The following FMN1 variants were observed in gnomAD, a reference collection of about 807,000 sequenced individuals.
FMN1 encodes the protein formin-1.
Under a neutral mutation model 132.4 loss-of-function variants are expected in FMN1, and 110 were observed. The observed-to-expected ratio is 0.83, with a 90% confidence interval of 0.71 to 0.97. The LOEUF (loss-of-function observed/expected upper bound fraction) is 0.97, where lower values mean the gene tolerates loss of function less well. FMN1 is among the 50% of genes least tolerant of loss of function. The pLI, the probability that FMN1 is intolerant of heterozygous loss-of-function variation, is 0.00. For missense variants in FMN1, 1,792 were observed against 1,705.3 expected (o/e 1.05, Z -0.90); for synonymous variants, 722 against 651.7 (o/e 1.11, Z -1.64).
At chr15:32,802,809 A>T (rs1192789506) in intron 18 of FMN1, among the ~76,000 whole-genome samples, 2 of 152,218 alleles carry the variant, frequency 1.3e-5, no homozygotes, top group East Asian at 3.8e-4. Flanking sequence ...TATAACACAG[A>T]CGTGCTAGTT....
chr15:32,891,147 TTATAG>T (rs1035725910), intron 15 of FMN1, among the ~76,000 whole-genome samples: 12 of 152,258 alleles, frequency 7.9e-5, no homozygotes, highest in Admixed American at 3.3e-4. Flanking sequence ...GACTATGGCC[TTATAG>T]TATAGTTTGA....
At chr15:32,835,521 G>T (rs1308466677) in intron 17 of FMN1, among the ~76,000 whole-genome samples, 3 of 152,140 alleles carry the variant, frequency 2.0e-5, no homozygotes, top group African/African-American at 7.2e-5. Flanking sequence ...TTTGGTGTGT[G>T]TTCTAAGTTG....
intron 6 of FMN1, among the ~76,000 whole-genome samples, chr15:33,024,897 G>A (rs1428393095): frequency 6.6e-6 from 1 of 152,126 alleles, no homozygotes; most frequent in Non-Finnish European, 1.5e-5. Context: ...TAACATGAAT[G>A]AAATAGAGCT....
intron 7 of FMN1, among the ~76,000 whole-genome samples, chr15:32,989,532 T>A (rs34058116): frequency 0.043 from 6,567 of 152,120 alleles, 208 homozygotes; most frequent in East Asian, 0.13. Flanking sequence ...CCCTTTGTAG[T>A]CAAGTGCAGT....
At chr15:33,174,509 G>C (rs1189168233) in intron 3 of FMN1, among the ~76,000 whole-genome samples, 1 of 152,178 alleles carries the variant, frequency 6.6e-6, no homozygotes, top group African/African-American at 2.4e-5. Context: ...AAGAATGTTT[G>C]CTCTCTTAAG....
chr15:32,924,911 T>C (rs987557321), intron 10 of FMN1, among the ~76,000 whole-genome samples: 4 of 152,232 alleles, frequency 2.6e-5, no homozygotes, highest in Non-Finnish European at 5.9e-5. Flanking sequence ...CAAAACTCCG[T>C]CTCAAAACAA....
At chr15:33,013,004 C>T (rs144047869) in intron 6 of FMN1, 988 of 424,748 alleles carry the variant, frequency 2.3e-3, no homozygotes, top group Non-Finnish European at 2.7e-3. Context: ...CAGTACTTTG[C>T]CAAACCACAA....
At chr15:33,016,371 G>T (rs2035046273) in intron 6 of FMN1, among the ~76,000 whole-genome samples, 1 of 152,152 alleles carries the variant, frequency 6.6e-6, no homozygotes, top group East Asian at 1.9e-4. Flanking sequence ...TCAAATGTGA[G>T]CTTTCATATT....
At chr15:33,005,355 GA>G (rs2034360282) in intron 7 of FMN1, among the ~76,000 whole-genome samples, 1 of 152,086 alleles carries the variant, frequency 6.6e-6, no homozygotes, top group Non-Finnish European at 1.5e-5. Flanking sequence ...AAGAGCAGAT[GA>G]TTTTTTTACA....
chr15:33,013,723 G>C (rs975952902), intron 6 of FMN1, among the ~76,000 whole-genome samples: 3 of 152,174 alleles, frequency 2.0e-5, no homozygotes, highest in Non-Finnish European at 4.4e-5. Context: ...TTTAAATCTT[G>C]TGTAAATGTT....
At chr15:32,844,705 C>T (rs1360974034) in intron 17 of FMN1, among the ~76,000 whole-genome samples, 1 of 152,294 alleles carries the variant, frequency 6.6e-6, no homozygotes, top group African/African-American at 2.4e-5. Flanking sequence ...AAAATTATGG[C>T]CGTCCTCTGT....
chr15:33,153,707 G>A lies in FMN1; in HGVS notation c.1208C>T (p.Thr403Ile), dbSNP rs1371718037. 1 of 1,536,376 alleles carries A rather than the reference G, an allele frequency of 6.5e-7. No homozygotes were observed. The highest frequency in any genetic ancestry group is 1.4e-5 in the African/African-American group (1 of 73,186). ...DRSSQSPAGE[T>I]ASISSVSASA... is the part of the protein sequence containing the mutation. ...GGCCGACACACTAGAAATGGAGGCT[G>A]TTTCCCCGGCTGGCGACTGCGATGA... The change falls in exon 4 of 21, where the codon ACA (threonine) becomes ATA (isoleucine). Residue 403 changes from threonine (T) to isoleucine (I), a missense_variant. Thr to Ile is a moderately conservative substitution (Grantham distance 89, BLOSUM62 -1). Coordinates refer to ENST00000616417, the MANE Select transcript of FMN1 (RefSeq NM_001277313.2).
chr15:32,900,661 A>G (rs2060272612), intron 13 of FMN1, among the ~76,000 whole-genome samples: 1 of 152,230 alleles, frequency 6.6e-6, no homozygotes, highest in Non-Finnish European at 1.5e-5. Context: ...TCTTTAATAA[A>G]TTTATTAAAC....
chr15:33,104,797 C>G (rs1595479425), intron 4 of FMN1, among the ~76,000 whole-genome samples: 1 of 152,066 alleles, frequency 6.6e-6, no homozygotes, highest in East Asian at 1.9e-4. Flanking sequence ...AAAGGTATTA[C>G]TTTACTAAAG....
intron 17 of FMN1, 75 bp from the exon 18 acceptor site, chr15:32,804,407 A>G: frequency 2.4e-6 from 1 of 419,692 alleles, no homozygotes; most frequent in Non-Finnish European, 4.0e-6. Flanking sequence ...CTTCAATTAC[A>G]CCCATTCATT....
chr15:32,796,982 T>TG (rs1038978381), intron 19 of FMN1, among the ~76,000 whole-genome samples: 2 of 152,182 alleles, frequency 1.3e-5, no homozygotes, highest in Non-Finnish European at 2.9e-5. Context: ...AAAAGGGTCT[T>TG]GTGAGGTCAT....
chr15:32,822,416 A>G (rs1374911188), intron 17 of FMN1, among the ~76,000 whole-genome samples: 20 of 152,184 alleles, frequency 1.3e-4, no homozygotes, highest in Non-Finnish European at 2.9e-4. Flanking sequence ...CGTTTCTCAA[A>G]AGAATTTACT....
intron 16 of FMN1, among the ~76,000 whole-genome samples, chr15:32,871,314 C>T (rs1020534282): frequency 2.0e-5 from 3 of 152,158 alleles, no homozygotes; most frequent in Non-Finnish European, 4.4e-5. Context: ...CTCGGTATCG[C>T]GCTCCTTGCC....
intron 7 of FMN1, among the ~76,000 whole-genome samples, chr15:32,992,068 T>C (rs577376531): frequency 5.9e-5 from 9 of 152,296 alleles, no homozygotes; most frequent in African/African-American, 1.9e-4. Flanking sequence ...TAAAACAACA[T>C]TGGATTTGAT....
Sources: allele counts gnomAD v4.1 joint callset (sites outside exome capture counted in the v4.1 genomes callset), GRCh38; gene constraint gnomAD v4.1.1; transcripts MANE v1.5; gene names NCBI Gene and HGNC (gene_info 2026-07-23, HGNC 2026-07-21).